Variants in CFAP91 observed in about 807,000 individuals in gnomAD.
CFAP91 encodes the protein cilia and flagella associated protein 91, also known as cilia- and flagella-associated protein 91.
Under a neutral mutation model 95.9 loss-of-function variants are expected in CFAP91, and 85 were observed. The ratio of observed to expected loss-of-function variants is 0.89; its 90% CI spans 0.74 to 1.06. The LOEUF (loss-of-function observed/expected upper bound fraction) is 1.06. Among genes scored for constraint, CFAP91 ranks in the 50% least tolerant of loss-of-function variants. The pLI, the probability that CFAP91 is intolerant of heterozygous loss-of-function variation, is 0.00. For synonymous variants in CFAP91, 335 were observed against 327.5 expected (o/e 1.02, Z -0.25); for missense variants, 962 against 943.4 (o/e 1.02, Z -0.26).
At chr3:119,719,345 A>G (rs2053637944) in intron 6 of CFAP91, among the ~76,000 whole-genome samples, 1 of 152,124 alleles carries the variant, frequency 6.6e-6, no homozygotes, top group Non-Finnish European at 1.5e-5. Context: ...GTAATATTCT[A>G]TTCCTTGATC....
intron 16 of CFAP91, among the ~76,000 whole-genome samples, chr3:119,748,478 A>T (rs2054266269): frequency 6.6e-6 from 1 of 152,224 alleles, no homozygotes; most frequent in Non-Finnish European, 1.5e-5. Context: ...GAAAAATAAG[A>T]TTCTTCCATA....
chr3:119,716,934 T>C (rs1262978549), intron 6 of CFAP91, among the ~76,000 whole-genome samples: 1 of 152,176 alleles, frequency 6.6e-6, no homozygotes, highest in Non-Finnish European at 1.5e-5. Flanking sequence ...CAGGCCTAGA[T>C]GGCAAATTAA....
intron 17 of CFAP91, among the ~76,000 whole-genome samples, chr3:119,762,924 G>A (rs2054563506): frequency 6.6e-6 from 1 of 151,794 alleles, no homozygotes; most frequent in Non-Finnish European, 1.5e-5. Flanking sequence ...TGATCTTTTG[G>A]ATATGACTCA....
chr3:119,705,051 A>T (rs889129979), intron 1 of CFAP91, among the ~76,000 whole-genome samples: 10 of 152,166 alleles, frequency 6.6e-5, no homozygotes, highest in Admixed American at 2.0e-4. Context: ...GTTTCTAAGA[A>T]CGTATCCCCA....
At chr3:119,742,386 AC>A (rs2054139081) in intron 13 of CFAP91, among the ~76,000 whole-genome samples, 1 of 152,004 alleles carries the variant, frequency 6.6e-6, no homozygotes, top group East Asian at 1.9e-4. Flanking sequence ...AAAATGCACA[AC>A]CCCCAATTAC....
chr3:119,703,022 G>A lies in CFAP91; in HGVS notation c.-77G>A. 2 of 1,494,942 alleles carry A rather than the reference G, an allele frequency of 1.3e-6. No homozygotes were observed. The highest frequency in any genetic ancestry group is 1.8e-6 in the Non-Finnish European group (2 of 1,108,782). 92.6% of individuals were successfully genotyped at this position (1,494,942 alleles called of 1,614,324 possible). On this transcript the variant is annotated 5_prime_UTR_variant, in exon 1 of 18. Coordinates refer to ENST00000273390, the MANE Select transcript of CFAP91 (RefSeq NM_033364.4). ...CCCCTATCCCTGCGCGCCGGCGGCC[G>A]TTACCATAGCGACGTGCACGCAGTA...
intron 5 of CFAP91, among the ~76,000 whole-genome samples, chr3:119,713,820 A>AT (rs1186904761): frequency 1.3e-5 from 2 of 152,040 alleles, no homozygotes; most frequent in Non-Finnish European, 2.9e-5. Context: ...TAATAGTGTC[A>AT]TTTTTTTCTT....
chr3:119,754,276 T>C (rs1182315981), intron 17 of CFAP91, among the ~76,000 whole-genome samples: 2 of 152,174 alleles, frequency 1.3e-5, no homozygotes, highest in African/African-American at 4.8e-5. Context: ...AGCAATGAAA[T>C]TGGATATTTA....
chr3:119,748,250 C>T (rs2054261596), intron 16 of CFAP91, among the ~76,000 whole-genome samples: 2 of 152,116 alleles, frequency 1.3e-5, no homozygotes, highest in South Asian at 4.1e-4. Context: ...TTGTAGCAGC[C>T]TTTCAGAGGC....
At chr3:119,729,471 C>G (rs951160833) in intron 7 of CFAP91, among the ~76,000 whole-genome samples, 2 of 151,888 alleles carry the variant, frequency 1.3e-5, no homozygotes, top group African/African-American at 4.8e-5. Flanking sequence ...TAGTGAAACT[C>G]CATCTCTACC....
intron 12 of CFAP91, among the ~76,000 whole-genome samples, chr3:119,740,004 C>T (rs4688033): frequency 0.22 from 33,966 of 152,062 alleles, 3,956 homozygotes; most frequent in Admixed American, 0.26. Context: ...TATAAAGCCC[C>T]AGTTAATTTT....
chr3:119,764,507 A>G (rs965159762), intron 17 of CFAP91, among the ~76,000 whole-genome samples: 17 of 152,142 alleles, frequency 1.1e-4, no homozygotes, highest in African/African-American at 3.6e-4. Context: ...CTTAGTTATT[A>G]TTGTACATGT....
rs1577189567 is a variant in CFAP91 at position 119,703,139 on chromosome 3, C to G, written c.41C>G (p.Pro14Arg). ...AVTIEEPQAQ[P>R]QVSQTRYRER... ...ACCATCGAGGAGCCCCAGGCCCAGC[C>G]GCAGGTGTCTCAAACTCGGTACCGG... The change falls in exon 1 of 18, where the codon CCG becomes CGG. Residue 14 changes from proline to arginine, a missense_variant. By Grantham distance (103) the Pro-to-Arg change is moderately radical. Coordinates refer to ENST00000273390, the MANE Select transcript of CFAP91 (RefSeq NM_033364.4). The G allele has an allele frequency of 1.3e-6, 2 of 1,585,758 alleles. No homozygotes were observed. Among genetic ancestry groups the G allele is most frequent in the Admixed American group, 3.6e-5 (2 of 55,724 alleles).
intron 14 of CFAP91, among the ~76,000 whole-genome samples, chr3:119,744,478 A>T (rs913074769): frequency 1.3e-5 from 2 of 152,220 alleles, no homozygotes; most frequent in Admixed American, 1.3e-4. Context: ...GACACATTTT[A>T]AGCCAGTTAC....
At chr3:119,750,909 T>A (rs2107912963) in intron 16 of CFAP91, 28 bp from the exon 17 acceptor site, 2 of 1,613,278 alleles carry the variant, frequency 1.2e-6, no homozygotes, top group East Asian at 4.5e-5. Flanking sequence ...ACTTTCAGAA[T>A]GAAAATTTTT....
rs2054620669 is a variant in CFAP91, at chr3:119,765,997, A to C, written c.*947A>C. On this transcript the variant is annotated 3_prime_UTR_variant, in exon 18 of 18. Transcript: ENST00000273390. ...AGGAAATAATAACAGACAAGGTCAA[A>C]AAATAGATGCAGGCTGAAAAGAAAA... The C allele has an allele frequency of 6.6e-6, 1 of 152,248 alleles. No individual in the cohort carries two copies. The allele number at this position is 152,248 out of a possible 1,614,324, so 9.4% of individuals were successfully genotyped here.
intron 7 of CFAP91, among the ~76,000 whole-genome samples, chr3:119,727,385 T>C (rs1310072675): frequency 6.6e-6 from 1 of 152,242 alleles, no homozygotes. Flanking sequence ...TTAAATTTAT[T>C]ATTGTACTTT....
chr3:119,721,151 C>T (rs1377069226), intron 6 of CFAP91, among the ~76,000 whole-genome samples: 1 of 152,156 alleles, frequency 6.6e-6, no homozygotes, highest in South Asian at 2.1e-4. Flanking sequence ...TGACTTATAA[C>T]CAGATGGAGT....
chr3:119,711,533 G>A (rs1270575452), intron 5 of CFAP91, among the ~76,000 whole-genome samples: 6 of 152,168 alleles, frequency 3.9e-5, no homozygotes, highest in Non-Finnish European at 7.3e-5. Context: ...CTAAATAACC[G>A]TGACACAAGG....
Sources: gnomAD v4.1 joint callset for allele counts (sites outside exome capture counted in the v4.1 genomes callset) on GRCh38, gnomAD v4.1.1 for gene constraint, MANE v1.5 for transcripts, NCBI Gene and HGNC (gene_info 2026-07-23, HGNC 2026-07-21) for gene names.